SSH2: variants seen among roughly 807,000 people sequenced by gnomAD.
SSH2 encodes the protein protein phosphatase Slingshot homolog 2.
Under a neutral mutation model 135.2 loss-of-function variants are expected in SSH2, and 37 were observed. That is an observed-to-expected ratio of 0.27 (90% CI 0.21 to 0.36). The LOEUF (loss-of-function observed/expected upper bound fraction) is 0.36, where lower values mean the gene tolerates loss of function less well. SSH2 is among the 10% of genes least tolerant of loss of function. The pLI is 1.00. For synonymous variants in SSH2, 628 were observed against 646.2 expected (o/e 0.97, Z 0.43); for missense variants, 1,408 against 1,765.3 (o/e 0.80, Z 3.63).
At chr17:29,812,161 CTT>C (rs748811941) in intron 2 of SSH2, among the ~76,000 whole-genome samples, 20 of 121,578 alleles carry the variant, frequency 1.6e-4, no homozygotes, top group Admixed American at 1.6e-4. Flanking sequence ...AGTATGTGTT[CTT>C]TTTTTTTTTT....
chr17:29,723,956 TGAC>T, intron 3 of SSH2, among the ~76,000 whole-genome samples: 1 of 152,196 alleles, frequency 6.6e-6, no homozygotes, highest in South Asian at 2.1e-4. Context: ...CTGGGCAAAC[TGAC>T]TACAAAAGAT....
At chr17:29,834,579 T>C (rs539792245) in intron 2 of SSH2, among the ~76,000 whole-genome samples, 1 of 152,298 alleles carries the variant, frequency 6.6e-6, no homozygotes, top group Admixed American at 6.5e-5. Context: ...TTAATGTAGA[T>C]TTTTTGACTT....
intron 3 of SSH2, chr17:29,793,658 A>G (rs1274951595): frequency 2.8e-6 from 1 of 355,936 alleles, no homozygotes; most frequent in South Asian, 8.4e-5. Flanking sequence ...AAAACGGAGG[A>G]AGGTCCTGAT....
At chr17:29,658,909 C>T (rs1338439220) in intron 11 of SSH2, among the ~76,000 whole-genome samples, 1 of 149,530 alleles carries the variant, frequency 6.7e-6, no homozygotes, top group African/African-American at 2.5e-5. Context: ...TAAGAGGTCT[C>T]ACTCTCACTC....
chr17:29,843,051 A>G (rs1466662714), intron 2 of SSH2, among the ~76,000 whole-genome samples: 1 of 152,200 alleles, frequency 6.6e-6, no homozygotes, highest in Non-Finnish European at 1.5e-5. Context: ...TAAACAGAAA[A>G]TACACATGGT....
At chr17:29,743,400 G>A (rs930695466) in intron 3 of SSH2, among the ~76,000 whole-genome samples, 1 of 139,950 alleles carries the variant, frequency 7.1e-6, no homozygotes, top group Non-Finnish European at 1.6e-5. Flanking sequence ...AATTGAGGAA[G>A]AGGCTAGATT....
chr17:29,661,166 C>A (rs978195381), intron 11 of SSH2, among the ~76,000 whole-genome samples: 1 of 151,976 alleles, frequency 6.6e-6, no homozygotes, highest in Non-Finnish European at 1.5e-5. Context: ...TCATCACTCT[C>A]GCTGATGTTA....
chr17:29,809,933 A>T (rs1192915822), intron 2 of SSH2, among the ~76,000 whole-genome samples: 1 of 152,062 alleles, frequency 6.6e-6, no homozygotes, highest in African/African-American at 2.4e-5. Flanking sequence ...ACTGGGTTCC[A>T]CGGTCTTTCC....
At chr17:29,926,553 CAA>C (rs577944888) in intron 1 of SSH2, among the ~76,000 whole-genome samples, 159 of 105,288 alleles carry the variant, frequency 1.5e-3, no homozygotes, top group African/African-American at 2.6e-3. Context: ...GACCTTGTCT[CAA>C]AAAAAAAAAA....
At chr17:29,704,704 TA>T (rs773267123) in intron 3 of SSH2, among the ~76,000 whole-genome samples, 12,861 of 98,158 alleles carry the variant, frequency 0.13, 1,636 homozygotes, top group African/African-American at 0.38. Flanking sequence ...CTCTGTCTCT[TA>T]AAAAAAAAAA....
At chr17:29,924,312 T>C (rs958711087) in intron 1 of SSH2, among the ~76,000 whole-genome samples, 6 of 152,254 alleles carry the variant, frequency 3.9e-5, no homozygotes, top group African/African-American at 1.2e-4. Context: ...AATCCATATG[T>C]ACATATAACT....
Position 29,868,536 on chromosome 17 carries a change from G to A in SSH2, c.64-19607C>T, listed in dbSNP as rs565664188. Among the ~76,000 whole-genome samples, 11 of 152,134 alleles carry A rather than the reference G, an allele frequency of 7.2e-5. No individual in the cohort carries two copies. In the South Asian group the frequency reaches 8.3e-4, roughly 11 times the overall value. On this transcript the variant is annotated intron_variant, in intron 1 of 15. Coordinates refer to ENST00000540801, the MANE Select transcript of SSH2 (RefSeq NM_001282129.2). Reference sequence around the variant, plus strand: ...GCAGATTGCCTGAACTCAGGAGTTCGAGATGAGCCTGGGCAACAAGGTGAA... The same window carrying A: ...GCAGATTGCCTGAACTCAGGAGTTCAAGATGAGCCTGGGCAACAAGGTGAA...
intron 3 of SSH2, among the ~76,000 whole-genome samples, chr17:29,783,371 G>A (rs1340369722): frequency 6.8e-6 from 1 of 147,956 alleles, no homozygotes; most frequent in Non-Finnish European, 1.5e-5. Flanking sequence ...TAACTTACAT[G>A]ATCACAAGGT....
intron 13 of SSH2, among the ~76,000 whole-genome samples, chr17:29,648,804 C>T (rs1296540237): frequency 6.6e-6 from 1 of 152,032 alleles, no homozygotes; most frequent in Non-Finnish European, 1.5e-5. Flanking sequence ...CGAGACCAGC[C>T]TGGCCAACAT....
At chr17:29,646,059 C>T (rs2036357714) in intron 14 of SSH2, among the ~76,000 whole-genome samples, 2 of 152,196 alleles carry the variant, frequency 1.3e-5, no homozygotes, top group South Asian at 4.1e-4. Flanking sequence ...GCTGTGCCTT[C>T]ACCCTAACAA....
intron 3 of SSH2, among the ~76,000 whole-genome samples, chr17:29,766,312 T>C (rs1229881257): frequency 1.3e-5 from 2 of 151,164 alleles, no homozygotes; most frequent in East Asian, 3.9e-4. Flanking sequence ...CTGGGCAAGA[T>C]AGTGAGACCC....
intron 3 of SSH2, among the ~76,000 whole-genome samples, chr17:29,752,821 G>A (rs1439900590): frequency 5.0e-5 from 7 of 140,200 alleles, no homozygotes; most frequent in African/African-American, 1.9e-4. Context: ...AAAATGGTCA[G>A]AAGCACACTC....
In SSH2 at chr17:29,627,378, C is replaced by T. The variant is rs1390923292; in HGVS notation, c.*3463G>A. 2.0e-5 allele frequency: 3 copies of T among 152,608 alleles called. No homozygotes were observed. Among genetic ancestry groups the T allele is most frequent in the African/African-American group, 7.2e-5 (3 of 41,436 alleles). 9.5% of individuals were successfully genotyped at this position (152,608 alleles called of 1,614,324 possible). A position where few individuals can be genotyped will look rare whatever the true frequency, so the allele number is the denominator to read the frequency against. Reference sequence around the variant, plus strand: ...ATGAAACAGGTGAACACTTCTGTGACCTGCTACATCTCAGAAGCTTCTCAT... The same window carrying T: ...ATGAAACAGGTGAACACTTCTGTGATCTGCTACATCTCAGAAGCTTCTCAT... On this transcript the variant is annotated 3_prime_UTR_variant, in exon 16 of 16. Coordinates refer to ENST00000540801, the MANE Select transcript of SSH2 (RefSeq NM_001282129.2).
intron 1 of SSH2, among the ~76,000 whole-genome samples, chr17:29,849,384 CAGG>C (rs2065506487): frequency 6.7e-6 from 1 of 148,408 alleles, no homozygotes; most frequent in African/African-American, 2.5e-5. Context: ...GAGGCTGAGG[CAGG>C]AGAATGGCGT....
Sources: gnomAD v4.1 joint callset for allele counts (sites outside exome capture counted in the v4.1 genomes callset) on GRCh38, gnomAD v4.1.1 for gene constraint, MANE v1.5 for transcripts, NCBI Gene and HGNC (gene_info 2026-07-23, HGNC 2026-07-21) for gene names.